ROCK1: variants seen among roughly 807,000 people sequenced by gnomAD.
ROCK1 encodes the protein rho-associated protein kinase 1.
ROCK1 carries 36 observed loss-of-function variants against 196.8 expected under a neutral mutation model. That is an observed-to-expected ratio of 0.18 (90% confidence interval 0.14 to 0.24). The LOEUF is 0.24. Ranked by LOEUF, ROCK1 falls within the 10% of genes least tolerant of loss-of-function variation. ROCK1 has a pLI of 1.00. For missense variants in ROCK1, 920 were observed against 1,562.0 expected (o/e 0.59, Z 6.93); for synonymous variants, 443 against 515.9 (o/e 0.86, Z 1.91).
At chr18:20,970,216 G>A in intron 23 of ROCK1, 132 bp downstream of exon 23, 1 of 589,274 alleles carries the variant, frequency 1.7e-6, no homozygotes, top group Non-Finnish European at 2.9e-6. Flanking sequence ...TTTTATACAT[G>A]AGTACAGAAT....
At position 21,070,910 on chromosome 18, in the gene ROCK1, G is replaced by A. The variant is rs1172453315; in HGVS notation, c.94-297C>T. On this transcript the variant is annotated intron_variant, in intron 1 of 32. Transcript: ENST00000399799. ...TCATAAGGACATGAAATTTTATTTTGCATTACTTCTCCTTACTACTGCATT... is the reference window on the plus strand; with the variant it reads ...TCATAAGGACATGAAATTTTATTTTACATTACTTCTCCTTACTACTGCATT... Among the ~76,000 whole-genome samples, 5 of 152,036 alleles carry A rather than the reference G, an allele frequency of 3.3e-5. No homozygotes were observed. The South Asian group carries it at 8.3e-4, about 25-fold the overall frequency.
chr18:21,110,762 G>C (rs1216731972), intron 1 of ROCK1, 56 bp downstream of exon 1: 6 of 1,372,646 alleles, frequency 4.4e-6, no homozygotes, highest in Non-Finnish European at 6.2e-6. Flanking sequence ...ACTAATGCAA[G>C]AGGAAGGAAA....
intron 1 of ROCK1, among the ~76,000 whole-genome samples, chr18:21,075,375 G>C (rs1369200179): frequency 6.6e-6 from 1 of 152,154 alleles, no homozygotes; most frequent in East Asian, 1.9e-4. Flanking sequence ...GATGTGAGTA[G>C]ACAGTGACTT....
At chr18:21,033,410 T>C (rs1161977151) in intron 9 of ROCK1, among the ~76,000 whole-genome samples, 1 of 151,480 alleles carries the variant, frequency 6.6e-6, no homozygotes, top group Non-Finnish European at 1.5e-5. Flanking sequence ...AGCTTCCCCC[T>C]ATGACCAGGA....
Position 21,033,854 on chromosome 18 carries a change from T to TAAAAAAAAAA in ROCK1, c.1052-4929_1052-4920dup, listed in dbSNP as rs71269004. Reference sequence around the variant, plus strand: ...TAACTCAGTGAAACCCCGTTTCTACTAAAAAAAAAAAAAAAAAAAAAAAAA... The same window carrying TAAAAAAAAAA: ...TAACTCAGTGAAACCCCGTTTCTACTAAAAAAAAAAAAAAAAAAAAAAAAAAAAAAAAAAA... On this transcript the variant is annotated intron_variant, in intron 9 of 32. Transcript: ENST00000399799. Among the ~76,000 whole-genome samples the TAAAAAAAAAA allele has an allele frequency of 3.0e-3, 99 of 33,460 alleles. 16 individuals carry two copies. Among genetic ancestry groups the TAAAAAAAAAA allele is most frequent in the African/African-American group, 7.1e-3 (66 of 9,326 alleles). 22.0% of individuals were successfully genotyped at this position (33,460 alleles called of 152,430 possible). A position where few individuals can be genotyped will look rare whatever the true frequency, so the allele number is the denominator to read the frequency against.
chr18:20,975,934 T>G (rs1050146839), intron 22 of ROCK1, among the ~76,000 whole-genome samples: 1 of 152,200 alleles, frequency 6.6e-6, no homozygotes, highest in Non-Finnish European at 1.5e-5. Flanking sequence ...TTTAATCACT[T>G]TCTCTTTCTG....
At chr18:21,045,077 T>G (rs1598541698) in intron 5 of ROCK1, 1 of 313,256 alleles carries the variant, frequency 3.2e-6, no homozygotes. Flanking sequence ...TCCAGGCTGG[T>G]GTCAAACTCC....
rs112585382 is a variant in ROCK1 at position 20,948,832 on chromosome 18, TG to T, written c.*2551del. 1.6e-4 allele frequency: 24 copies of T among 152,060 alleles called. No individual in the cohort carries two copies. Among genetic ancestry groups the T allele is most frequent in the African/African-American group, 4.8e-4 (20 of 41,348 alleles). The allele number at this position is 152,060 out of a possible 1,614,324, so 9.4% of individuals were successfully genotyped here. ...TGCTAAATGCCAGCAAGCAGGGTCA[TG>T]GAAGTGCCTTTTCTGAGGCAGTGTG... is the stretch of plus-strand genomic sequence containing the variant. On this transcript the variant is annotated 3_prime_UTR_variant, in exon 33 of 33. Coordinates refer to ENST00000399799, the MANE Select transcript of ROCK1 (RefSeq NM_005406.3).
chr18:20,999,793 G>C (rs191635251), intron 16 of ROCK1, among the ~76,000 whole-genome samples: 14 of 152,228 alleles, frequency 9.2e-5, no homozygotes, highest in Non-Finnish European at 1.6e-4. Flanking sequence ...ACACCTGGCT[G>C]ATTTTTTATT....
intron 22 of ROCK1, among the ~76,000 whole-genome samples, chr18:20,972,976 T>C (rs1426290692): frequency 6.6e-6 from 1 of 152,074 alleles, no homozygotes; most frequent in Non-Finnish European, 1.5e-5. Context: ...GCCTCCTGGG[T>C]TGAAGCAATT....
intron 16 of ROCK1, 85 bp from the exon 17 acceptor site, chr18:20,993,022 G>T: frequency 3.9e-6 from 3 of 769,760 alleles, no homozygotes; most frequent in South Asian, 1.8e-5. Context: ...TTTAAAAAAT[G>T]TTTTTTTAAT....
At chr18:21,110,782 A>C in intron 1 of ROCK1, 36 bp downstream of exon 1, 2 of 1,548,368 alleles carry the variant, frequency 1.3e-6, no homozygotes, top group South Asian at 2.2e-5. Context: ...AGACATGCAA[A>C]ACCCCAGACA....
rs2035582307 is a variant in ROCK1, at chr18:20,986,841, T to C, written c.2304+109A>G. 3.2e-5 allele frequency: 32 copies of C among 992,658 alleles called. No homozygotes were observed. The South Asian group carries it at 4.2e-4, about 13-fold the overall frequency. The allele number at this position is 992,658 out of a possible 1,614,324, so 61.5% of individuals were successfully genotyped here. ...AGTGAACACAGACCCATGTCAATTA[T>C]TTCATTCAAATCTCCTTCATGGTGT... On this transcript the variant is annotated intron_variant, in intron 19 of 32. Transcript: ENST00000399799.
intron 20 of ROCK1, among the ~76,000 whole-genome samples, chr18:20,983,803 G>T (rs1450611976): frequency 6.6e-6 from 1 of 152,112 alleles, no homozygotes; most frequent in African/African-American, 2.4e-5. Flanking sequence ...AGCAAGTGAT[G>T]ATATGATAAA....
intron 4 of ROCK1, among the ~76,000 whole-genome samples, chr18:21,048,323 T>C (rs1184208623): frequency 6.6e-6 from 1 of 152,166 alleles, no homozygotes; most frequent in Non-Finnish European, 1.5e-5. Context: ...TCACTTTCCC[T>C]TCATTTCTCT....
intron 16 of ROCK1, 73 bp downstream of exon 16, chr18:21,006,278 A>G (rs987660676): frequency 8.6e-7 from 1 of 1,156,936 alleles, no homozygotes; most frequent in Admixed American, 2.3e-5. Flanking sequence ...TGAACTGTAT[A>G]TATAAAAATG....
intron 27 of ROCK1, among the ~76,000 whole-genome samples, chr18:20,962,880 A>T (rs2035340113): frequency 6.6e-6 from 1 of 152,166 alleles, no homozygotes; most frequent in African/African-American, 2.4e-5. Context: ...AAAAAAATAC[A>T]TACTAGCTTC....
intron 2 of ROCK1, among the ~76,000 whole-genome samples, chr18:21,068,058 G>T (rs1568400479): frequency 1.3e-5 from 2 of 152,118 alleles, no homozygotes; most frequent in Non-Finnish European, 2.9e-5. Context: ...CTTCTGAAGA[G>T]AACTATTTTA....
intron 13 of ROCK1, among the ~76,000 whole-genome samples, chr18:21,013,818 C>G (rs1361713321): frequency 6.6e-6 from 1 of 152,084 alleles, no homozygotes; most frequent in Non-Finnish European, 1.5e-5. Flanking sequence ...AATCCCAGCA[C>G]TTTGGGAGGC....
Sources: gnomAD v4.1 joint callset for allele counts (sites outside exome capture counted in the v4.1 genomes callset) on GRCh38, gnomAD v4.1.1 for gene constraint, MANE v1.5 for transcripts, NCBI Gene and HGNC (gene_info 2026-07-23, HGNC 2026-07-21) for gene names.